Variants in ADAMTS3 observed in about 807,000 individuals in gnomAD.
ADAMTS3 encodes A disintegrin and metalloproteinase with thrombospondin motifs 3.
In ADAMTS3, 73 loss-of-function variants were observed where a neutral mutation model predicts 129.0. That is an observed-to-expected ratio of 0.57 (90% CI 0.47 to 0.69). The LOEUF is 0.69. Among genes scored for constraint, ADAMTS3 ranks in the 30% least tolerant of loss-of-function variants. The probability of loss-of-function intolerance (pLI) is 0.00; values close to 1 mark genes in which losing one functional copy is unlikely to be tolerated. For synonymous variants in ADAMTS3, 477 were observed against 510.8 expected (o/e 0.93, Z 0.89); for missense variants, 1,457 against 1,514.5 (o/e 0.96, Z 0.63).
At chr4:72,327,910 A>G (rs937803883) in intron 5 of ADAMTS3, among the ~76,000 whole-genome samples, 1 of 152,228 alleles carries the variant, frequency 6.6e-6, no homozygotes, top group East Asian at 1.9e-4. Context: ...GATGATCAGT[A>G]TAACAGTATT....
rs536342014 is a variant in ADAMTS3, at chr4:72,398,860, A to G, written c.661+15955T>C. The stretch of plus-strand genomic sequence containing the variant: ...TCCCATTCAACCCCTACCCTCCAAC[A>G]GTGAAAAGAATACAGCCCGGAGACT... On this transcript the variant is annotated intron_variant, in intron 4 of 21. Coordinates refer to ENST00000286657, the MANE Select transcript of ADAMTS3 (RefSeq NM_014243.3). 3.2e-4 allele frequency among the ~76,000 whole-genome samples: 48 copies of G among 152,304 alleles called. No individual in the cohort carries two copies. In the South Asian group the frequency reaches 4.8e-3, roughly 15 times the overall value.
chr4:72,412,124 T>G (rs1303072929), intron 4 of ADAMTS3, among the ~76,000 whole-genome samples: 3 of 152,078 alleles, frequency 2.0e-5, no homozygotes, highest in African/African-American at 4.8e-5. Context: ...AGAAATGGCT[T>G]GCTTATGATC....
intron 3 of ADAMTS3, among the ~76,000 whole-genome samples, chr4:72,474,337 C>T (rs1043100379): frequency 6.6e-5 from 10 of 151,412 alleles, no homozygotes; most frequent in African/African-American, 9.7e-5. Flanking sequence ...TAAATGAAAA[C>T]GGAGAAAAAA....
At chr4:72,519,340 A>G (rs1421910150) in intron 3 of ADAMTS3, among the ~76,000 whole-genome samples, 3 of 152,080 alleles carry the variant, frequency 2.0e-5, no homozygotes, top group Non-Finnish European at 2.9e-5. Flanking sequence ...CTCGAGGAGT[A>G]TCTTTGTGGT....
intron 3 of ADAMTS3, among the ~76,000 whole-genome samples, chr4:72,530,539 A>G (rs1454695066): frequency 4.6e-5 from 4 of 87,178 alleles, no homozygotes; most frequent in African/African-American, 1.9e-4. Flanking sequence ...TTTAATATAT[A>G]TTAATTTAAA....
intron 3 of ADAMTS3, among the ~76,000 whole-genome samples, chr4:72,482,216 A>G (rs1345924106): frequency 6.6e-6 from 1 of 152,156 alleles, no homozygotes; most frequent in Non-Finnish European, 1.5e-5. Flanking sequence ...CAAAGTTTAT[A>G]GCACCTTTGG....
intron 4 of ADAMTS3, among the ~76,000 whole-genome samples, chr4:72,405,741 A>G (rs1403329265): frequency 6.6e-6 from 1 of 152,122 alleles, no homozygotes; most frequent in Non-Finnish European, 1.5e-5. Context: ...AACTGGGAAG[A>G]CAATGGTTGT....
chr4:72,376,901 G>A (rs1281892977), intron 4 of ADAMTS3, among the ~76,000 whole-genome samples: 4 of 152,180 alleles, frequency 2.6e-5, no homozygotes, highest in African/African-American at 9.7e-5. Flanking sequence ...CTGTGTGAGT[G>A]TAAGCCTGTA....
intron 3 of ADAMTS3, among the ~76,000 whole-genome samples, chr4:72,512,575 G>C (rs1720344866): frequency 6.6e-6 from 1 of 152,128 alleles, no homozygotes; most frequent in Non-Finnish European, 1.5e-5. Context: ...TAACTAAATT[G>C]TATATTTTAA....
chr4:72,507,501 A>C (rs1720194255), intron 3 of ADAMTS3, among the ~76,000 whole-genome samples: 1 of 152,196 alleles, frequency 6.6e-6, no homozygotes, highest in Admixed American at 6.5e-5. Context: ...TTGCTCTTGA[A>C]GCTTGGTTGC....
In ADAMTS3 at chr4:72,281,507, C is replaced by G. The variant is rs1275522262; in HGVS notation, c.*1629G>C. 1 of 152,220 alleles carries G rather than the reference C, an allele frequency of 6.6e-6. No homozygotes were observed. 9.4% of individuals were successfully genotyped at this position (152,220 alleles called of 1,614,324 possible). A position where few individuals can be genotyped will look rare whatever the true frequency, so the allele number is the denominator to read the frequency against. ...TCATGTACATGTAATTCATGATGCACTTATCTCTTTCAAAAACTTTTAAAA... is the reference window on the plus strand; with the variant it reads ...TCATGTACATGTAATTCATGATGCAGTTATCTCTTTCAAAAACTTTTAAAA... On this transcript the variant is annotated 3_prime_UTR_variant, in exon 22 of 22. Coordinates refer to ENST00000286657, the MANE Select transcript of ADAMTS3 (RefSeq NM_014243.3).
intron 3 of ADAMTS3, among the ~76,000 whole-genome samples, chr4:72,439,900 C>A (rs1306922261): frequency 6.6e-6 from 1 of 151,678 alleles, no homozygotes; most frequent in Non-Finnish European, 1.5e-5. Flanking sequence ...GCTTCCTTCT[C>A]CAATTATTTT....
chr4:72,559,884 A>C (rs764794788), intron 2 of ADAMTS3, among the ~76,000 whole-genome samples: 3 of 151,806 alleles, frequency 2.0e-5, no homozygotes, highest in Non-Finnish European at 4.4e-5. Context: ...TCATATAGCC[A>C]AGACAGTCCT....
chr4:72,561,972 G>C (rs1721914750), intron 2 of ADAMTS3, among the ~76,000 whole-genome samples: 1 of 152,182 alleles, frequency 6.6e-6, no homozygotes, highest in African/African-American at 2.4e-5. Context: ...ATTATATGTG[G>C]GAACAGAGGT....
chr4:72,388,493 A>G (rs1462445176), intron 4 of ADAMTS3, among the ~76,000 whole-genome samples: 2 of 152,110 alleles, frequency 1.3e-5, no homozygotes, highest in African/African-American at 4.8e-5. Context: ...TTCTCAATGC[A>G]TTTTCTCCAG....
chr4:72,425,690 T>A (rs1012886718), intron 3 of ADAMTS3, among the ~76,000 whole-genome samples: 1 of 152,096 alleles, frequency 6.6e-6, no homozygotes, highest in African/African-American at 2.4e-5. Context: ...TGCATAGTAT[T>A]CTATGGTGTA....
intron 3 of ADAMTS3, among the ~76,000 whole-genome samples, chr4:72,514,457 C>T (rs1211506671): frequency 6.6e-6 from 1 of 152,140 alleles, no homozygotes; most frequent in Non-Finnish European, 1.5e-5. Flanking sequence ...GTCTCAATGT[C>T]CAAGACCAAA....
In ADAMTS3 at chr4:72,480,362, G is replaced by C. The variant is rs1719397094; in HGVS notation, c.505-65391C>G. On this transcript the variant is annotated intron_variant, in intron 3 of 21. Transcript: ENST00000286657. Reference sequence around the variant, plus strand: ...CATATACACCATGGAATACTATGCAGCCATAAAAAAGGATGAGTTCATGTC... The same window carrying C: ...CATATACACCATGGAATACTATGCACCCATAAAAAAGGATGAGTTCATGTC... Among the ~76,000 whole-genome samples, 4 of 152,168 alleles carry C rather than the reference G, an allele frequency of 2.6e-5. No homozygotes were observed. The South Asian group carries it at 8.3e-4, about 31-fold the overall frequency.
At chr4:72,467,407 A>G (rs1718951213) in intron 3 of ADAMTS3, among the ~76,000 whole-genome samples, 1 of 152,058 alleles carries the variant, frequency 6.6e-6, no homozygotes, top group East Asian at 1.9e-4. Context: ...AAAATGCAAG[A>G]GCACTCCTAA....
Sources: allele counts gnomAD v4.1 joint callset (sites outside exome capture counted in the v4.1 genomes callset), GRCh38; gene constraint gnomAD v4.1.1; transcripts MANE v1.5; gene names NCBI Gene and HGNC (gene_info 2026-07-23, HGNC 2026-07-21).